CTNNA2: variants seen among roughly 807,000 people sequenced by gnomAD.
CTNNA2 encodes the protein catenin alpha 2.
A neutral mutation model predicts 101.0 loss-of-function variants in CTNNA2; 42 were observed. That is an observed-to-expected ratio of 0.42 (90% CI 0.32 to 0.54). The LOEUF (loss-of-function observed/expected upper bound fraction) is 0.54. Ranked by LOEUF, CTNNA2 falls within the 20% of genes least tolerant of loss-of-function variation. CTNNA2 has a pLI of 0.14. For synonymous variants in CTNNA2, 450 were observed against 456.4 expected, an observed-to-expected ratio of 0.99 and a Z score of 0.18; for missense variants, 871 against 1,223.1, an observed-to-expected ratio of 0.71 and a Z score of 4.29.
intron 3 of CTNNA2, among the ~76,000 whole-genome samples, chr2:79,354,838 G>C (rs1374486519): frequency 6.6e-6 from 1 of 152,138 alleles, no homozygotes; most frequent in African/African-American, 2.4e-5. Flanking sequence ...AGGATTCCAA[G>C]CTTCCTTCCT....
intron 2 of CTNNA2, among the ~76,000 whole-genome samples, chr2:79,300,812 A>G (rs897861080): frequency 1.3e-5 from 2 of 152,110 alleles, no homozygotes; most frequent in African/African-American, 4.8e-5. Context: ...ATTGCTAGAG[A>G]GATCTTTCTG....
intron 7 of CTNNA2, among the ~76,000 whole-genome samples, chr2:80,073,190 A>G (rs916339502): frequency 1.3e-5 from 2 of 152,174 alleles, no homozygotes; most frequent in African/African-American, 4.8e-5. Flanking sequence ...GTGGCATTTT[A>G]AGGAGTTCAA....
intron 2 of CTNNA2, among the ~76,000 whole-genome samples, chr2:79,305,990 G>A (rs368056007): frequency 7.5e-5 from 11 of 147,576 alleles, no homozygotes; most frequent in African/African-American, 2.8e-4. Flanking sequence ...AGCTTGCAGT[G>A]AGCTGAGATC....
intron 4 of CTNNA2, among the ~76,000 whole-genome samples, chr2:79,862,693 A>G (rs919927): frequency 0.26 from 40,161 of 152,068 alleles, 5,868 homozygotes; most frequent in Non-Finnish European, 0.33. Context: ...AAGATGTATT[A>G]TTTTAAGGGT....
upstream of CTNNA2, among the ~76,000 whole-genome samples, chr2:79,508,146 G>C (rs563963016): frequency 5.9e-5 from 9 of 152,088 alleles, no homozygotes; most frequent in Non-Finnish European, 1.3e-4. Context: ...TGAACACAAG[G>C]CTCCAGCAAG....
At chr2:80,281,423 C>G (rs1476597758) in intron 7 of CTNNA2, among the ~76,000 whole-genome samples, 1 of 152,106 alleles carries the variant, frequency 6.6e-6, no homozygotes, top group Non-Finnish European at 1.5e-5. Context: ...GATTTAATCA[C>G]TGAAACAGGC....
intron 4 of CTNNA2, among the ~76,000 whole-genome samples, chr2:79,482,333 A>T (rs1671117244): frequency 6.6e-6 from 1 of 152,200 alleles, no homozygotes; most frequent in Non-Finnish European, 1.5e-5. Context: ...ATACATGCAC[A>T]CAGGGATGAA....
intron 7 of CTNNA2, among the ~76,000 whole-genome samples, chr2:79,991,365 T>C (rs1692165887): frequency 1.3e-5 from 2 of 152,200 alleles, no homozygotes; most frequent in Non-Finnish European, 2.9e-5. Flanking sequence ...CCCCCTTTTT[T>C]TTCCATGAGC....
chr2:79,194,582 C>T (rs966462262), intron 1 of CTNNA2, among the ~76,000 whole-genome samples: 1 of 152,176 alleles, frequency 6.6e-6, no homozygotes, highest in Non-Finnish European at 1.5e-5. Flanking sequence ...AAACTTGTAG[C>T]CACAGTAATA....
At chr2:80,634,410 C>T (rs535955772) in intron 18 of CTNNA2, among the ~76,000 whole-genome samples, 1 of 152,116 alleles carries the variant, frequency 6.6e-6, no homozygotes, top group Admixed American at 6.6e-5. Context: ...ATAGTAAGCG[C>T]TAAGGCCTTA....
At chr2:79,543,351 T>G (rs899406686) in intron 1 of CTNNA2, among the ~76,000 whole-genome samples, 1 of 152,174 alleles carries the variant, frequency 6.6e-6, no homozygotes, top group African/African-American at 2.4e-5. Context: ...AAATGTGAAA[T>G]CAAGTTATTA....
At chr2:80,053,338 C>A (rs1696999113) in intron 7 of CTNNA2, among the ~76,000 whole-genome samples, 1 of 152,132 alleles carries the variant, frequency 6.6e-6, no homozygotes, top group Non-Finnish European at 1.5e-5. Flanking sequence ...CATGAAAATG[C>A]CGGTAAATAA....
At chr2:79,749,122 A>G (rs960263210) in intron 3 of CTNNA2, among the ~76,000 whole-genome samples, 4 of 152,018 alleles carry the variant, frequency 2.6e-5, no homozygotes, top group African/African-American at 9.7e-5. Context: ...CATTCAACCC[A>G]AAACGGTGCC....
chr2:80,108,042 T>C (rs916807337), intron 7 of CTNNA2, among the ~76,000 whole-genome samples: 1 of 152,142 alleles, frequency 6.6e-6, no homozygotes, highest in Non-Finnish European at 1.5e-5. Context: ...CCAGTCCTGA[T>C]AGAGAGAAGA....
At chr2:79,352,286 T>C (rs149534872) in intron 3 of CTNNA2, among the ~76,000 whole-genome samples, 5 of 152,290 alleles carry the variant, frequency 3.3e-5, no homozygotes, top group Non-Finnish European at 7.4e-5. Context: ...TGTTCAGGTT[T>C]TCAATTTCTT....
intron 6 of CTNNA2, among the ~76,000 whole-genome samples, chr2:79,899,650 C>A (rs1280468596): frequency 6.6e-6 from 1 of 152,168 alleles, no homozygotes; most frequent in Non-Finnish European, 1.5e-5. Flanking sequence ...TCATTTATTT[C>A]CAATTAAACT....
chr2:80,472,370 T>C (rs1315597353), intron 9 of CTNNA2, among the ~76,000 whole-genome samples: 1 of 152,068 alleles, frequency 6.6e-6, no homozygotes, highest in Admixed American at 6.5e-5. Context: ...GAAGACTGAC[T>C]TGGAGGGAGG....
chr2:80,535,090 T>C (rs531689374), intron 9 of CTNNA2, among the ~76,000 whole-genome samples: 251 of 152,322 alleles, frequency 1.6e-3, no homozygotes, highest in African/African-American at 5.7e-3. Context: ...TGTAACTTTA[T>C]ACAAAACTAA....
At chr2:79,958,346 C>T (rs1689386612) in intron 7 of CTNNA2, among the ~76,000 whole-genome samples, 1 of 137,246 alleles carries the variant, frequency 7.3e-6, no homozygotes, top group East Asian at 2.0e-4. Context: ...GTTAAAGGGA[C>T]TTTGCAGATG....
Sources: gnomAD v4.1 joint callset for allele counts (sites outside exome capture counted in the v4.1 genomes callset) on GRCh38, gnomAD v4.1.1 for gene constraint, MANE v1.5 for transcripts, NCBI Gene and HGNC (gene_info 2026-07-23, HGNC 2026-07-21) for gene names.